TPO: variants seen among roughly 807,000 people sequenced by gnomAD.
TPO encodes thyroid microsomal antigen.
In TPO, 78 loss-of-function variants were observed where a neutral mutation model predicts 96.9. That is an observed-to-expected ratio of 0.81 (90% CI 0.67 to 0.97). The LOEUF (loss-of-function observed/expected upper bound fraction) is 0.97, where lower values mean the gene tolerates loss of function less well. Ranked by LOEUF, TPO falls within the 50% of genes least tolerant of loss-of-function variation. TPO has a pLI of 0.00. For synonymous variants in TPO, 547 were observed against 538.0 expected (o/e 1.02, Z -0.23); for missense variants, 1,252 against 1,274.8 (o/e 0.98, Z 0.27).
intron 14 of TPO, among the ~76,000 whole-genome samples, chr2:1,509,172 C>T (rs935284072): frequency 6.6e-6 from 1 of 152,180 alleles, no homozygotes; most frequent in Non-Finnish European, 1.5e-5. Context: ...GCAGGTTGTT[C>T]AGTTTCCATG....
At chr2:1,446,175 C>T (rs1666795860) in intron 5 of TPO, among the ~76,000 whole-genome samples, 1 of 152,146 alleles carries the variant, frequency 6.6e-6, no homozygotes, top group South Asian at 2.1e-4. Context: ...CTTCTGGCCC[C>T]TCCTAGGTTT....
At chr2:1,468,717 G>A (rs1028509143) in intron 7 of TPO, among the ~76,000 whole-genome samples, 1 of 152,178 alleles carries the variant, frequency 6.6e-6, no homozygotes. Context: ...AATTCTCCAG[G>A]TGTTCTTTGA....
chr2:1,526,833 A>T (rs1283148993), intron 15 of TPO, among the ~76,000 whole-genome samples: 2 of 115,122 alleles, frequency 1.7e-5, no homozygotes, highest in Non-Finnish European at 3.4e-5. Flanking sequence ...AACCTCCCCA[A>T]ATCCTCCCCA....
chr2:1,389,277 C>T (rs923576246), intron 1 of TPO, among the ~76,000 whole-genome samples: 1 of 152,056 alleles, frequency 6.6e-6, no homozygotes, highest in South Asian at 2.1e-4. Context: ...CTTGTCGTGG[C>T]CAAGTCTAGT....
intron 7 of TPO, among the ~76,000 whole-genome samples, chr2:1,470,678 A>C (rs530521718): frequency 1.1e-4 from 16 of 152,180 alleles, no homozygotes; most frequent in African/African-American, 3.1e-4. Context: ...TGGTGAGAGC[A>C]GCATCTGCCT....
chr2:1,474,711 A>G (rs763104211), intron 7 of TPO, among the ~76,000 whole-genome samples: 2 of 152,184 alleles, frequency 1.3e-5, no homozygotes, highest in Non-Finnish European at 2.9e-5. Context: ...ATGTGCTGCC[A>G]TGAAACCGCA....
intron 15 of TPO, among the ~76,000 whole-genome samples, chr2:1,536,712 A>G (rs10181280): frequency 0.099 from 7,781 of 78,230 alleles, 472 homozygotes; most frequent in Non-Finnish European, 0.11. Flanking sequence ...AACCAAATGT[A>G]TGCAACCTCC....
At chr2:1,530,510 AAATCTCCCCCACTCTGTGCAAC>A (rs1677853460) in intron 15 of TPO, among the ~76,000 whole-genome samples, 3 of 99,382 alleles carry the variant, frequency 3.0e-5, no homozygotes, top group Non-Finnish European at 6.1e-5. Context: ...CAACCTCCCC[AAATCTCCCCCACTCTGTGCAAC>A]CCCCCCAAAT....
chr2:1,499,504 A>G (rs1017208646), intron 13 of TPO, among the ~76,000 whole-genome samples: 2 of 152,300 alleles, frequency 1.3e-5, no homozygotes, highest in African/African-American at 4.8e-5. Context: ...GTGCGTGCAC[A>G]GCAGCCAGTG....
At position 1,479,757 on chromosome 2, in the gene TPO, G is replaced by GTCC. The variant is rs1207715244; in HGVS notation, c.1338+2165_1338+2167dup. ...GCTGCTCCTCCTTGTCCTCCTCCTC[G>GTCC]TCCTCCTCCTCCTCTTCTTCTTCTC... On this transcript the variant is annotated intron_variant, in intron 8 of 16. Transcript: ENST00000329066. Among the ~76,000 whole-genome samples the GTCC allele has an allele frequency of 3.4e-5, 5 of 148,148 alleles. No individual in the cohort carries two copies. The South Asian group carries it at 6.5e-4, about 19-fold the overall frequency.
Position 1,542,781 on chromosome 2 carries a change from CCACCTTCTGGCAT to C in TPO, c.*309_*321del. On this transcript the variant is annotated 3_prime_UTR_variant, in exon 17 of 17. Coordinates refer to ENST00000329066, the MANE Select transcript of TPO (RefSeq NM_001206744.2). ...CACCACTCTTGCAATCCTCCTGTCT[CCACCTTCTGGCAT>C]CTCTGATGCCGTGCTCGTCTGCACT... The C allele has an allele frequency of 1.5e-6, 1 of 664,976 alleles. No individual in the cohort carries two copies. The allele number at this position is 664,976 out of a possible 1,614,324, so 41.2% of individuals were successfully genotyped here.
At chr2:1,390,773 T>C (rs1661987438) in intron 1 of TPO, among the ~76,000 whole-genome samples, 1 of 152,220 alleles carries the variant, frequency 6.6e-6, no homozygotes, top group Admixed American at 6.5e-5. Context: ...CATTTCTTTC[T>C]CTGATGAACA....
chr2:1,466,342 C>T (rs988413494), intron 7 of TPO, among the ~76,000 whole-genome samples: 3 of 151,906 alleles, frequency 2.0e-5, no homozygotes, highest in Non-Finnish European at 4.4e-5. Flanking sequence ...GTTATTGGTC[C>T]GTAGTTTTCT....
At chr2:1,386,286 A>G (rs1238097631) in intron 1 of TPO, among the ~76,000 whole-genome samples, 1 of 152,066 alleles carries the variant, frequency 6.6e-6, no homozygotes, top group African/African-American at 2.4e-5. Flanking sequence ...TTTCTGTCTC[A>G]TTGATCTGTC....
intron 15 of TPO, among the ~76,000 whole-genome samples, chr2:1,528,844 ACCT>A (rs1482705195): frequency 1.1e-5 from 1 of 90,004 alleles, no homozygotes; most frequent in Admixed American, 1.3e-4. Flanking sequence ...ACTGTGTGCA[ACCT>A]CCTCAAATCC....
intron 5 of TPO, among the ~76,000 whole-genome samples, chr2:1,443,205 C>G (rs913766110): frequency 3.3e-5 from 5 of 152,164 alleles, no homozygotes; most frequent in African/African-American, 1.2e-4. Flanking sequence ...GGCAATGCCG[C>G]AGGAGGTACC....
chr2:1,396,005 A>T (rs1204693417), intron 1 of TPO, among the ~76,000 whole-genome samples: 2 of 152,204 alleles, frequency 1.3e-5, no homozygotes, highest in Non-Finnish European at 2.9e-5. Flanking sequence ...AAAACAGACT[A>T]ATACAATGAG....
intron 13 of TPO, among the ~76,000 whole-genome samples, chr2:1,500,462 T>A (rs1399947036): frequency 6.6e-6 from 1 of 152,170 alleles, no homozygotes; most frequent in Non-Finnish European, 1.5e-5. Context: ...AAAACTCAAG[T>A]ATAACAGACA....
At chr2:1,531,155 T>A (rs750131781) in intron 15 of TPO, among the ~76,000 whole-genome samples, 7 of 23,352 alleles carry the variant, frequency 3.0e-4, no homozygotes, top group African/African-American at 6.0e-4. Flanking sequence ...GTGTGCAACC[T>A]CCCCAAATCC....
Sources: gnomAD v4.1 joint callset for allele counts (sites outside exome capture counted in the v4.1 genomes callset) on GRCh38, gnomAD v4.1.1 for gene constraint, MANE v1.5 for transcripts, NCBI Gene and HGNC (gene_info 2026-07-23, HGNC 2026-07-21) for gene names.